SLC6A11: variants seen among roughly 807,000 people sequenced by gnomAD.
SLC6A11 encodes the protein solute carrier family 6 member 11, also known as sodium- and chloride-dependent GABA transporter 3.
A neutral mutation model predicts 74.8 loss-of-function variants in SLC6A11; 25 were observed. That is an observed-to-expected ratio of 0.33 (90% CI 0.24 to 0.47). The LOEUF (loss-of-function observed/expected upper bound fraction) is 0.47, where lower values mean the gene tolerates loss of function less well. Among genes scored for constraint, SLC6A11 ranks in the 20% least tolerant of loss-of-function variants. The pLI is 1.00. For missense variants in SLC6A11, 574 were observed against 837.0 expected (o/e 0.69, Z 3.88); for synonymous variants, 330 against 330.2 (o/e 1.00, Z 0.01).
At chr3:10,933,363 C>T (rs554265252) in intron 11 of SLC6A11, 110 bp downstream of exon 11, 8 of 737,046 alleles carry the variant, frequency 1.1e-5, no homozygotes, top group African/African-American at 8.7e-5. Flanking sequence ...TTGGTCTATA[C>T]TGGCCTCTTC....
At chr3:10,893,244 A>C (rs191020495) in intron 6 of SLC6A11, among the ~76,000 whole-genome samples, 4 of 152,324 alleles carry the variant, frequency 2.6e-5, no homozygotes, top group Admixed American at 2.6e-4. Flanking sequence ...GAGACAGAAT[A>C]TAAAATTAAT....
intron 6 of SLC6A11, among the ~76,000 whole-genome samples, chr3:10,886,624 T>G (rs1004917432): frequency 6.6e-6 from 1 of 152,136 alleles, no homozygotes; most frequent in Non-Finnish European, 1.5e-5. Flanking sequence ...CTGACCAATA[T>G]GATGAAGCCC....
At chr3:10,835,506 T>A (rs1175906288) in intron 4 of SLC6A11, among the ~76,000 whole-genome samples, 2 of 152,210 alleles carry the variant, frequency 1.3e-5, no homozygotes, top group African/African-American at 4.8e-5. Context: ...GCCTAAGTTT[T>A]GAGGCATTTC....
intron 7 of SLC6A11, among the ~76,000 whole-genome samples, chr3:10,913,138 C>G (rs1428992324): frequency 6.6e-6 from 1 of 150,526 alleles, no homozygotes; most frequent in Non-Finnish European, 1.5e-5. Flanking sequence ...CATATATCAT[C>G]CCATCTTTCC....
chr3:10,901,412 G>A (rs922998705), intron 6 of SLC6A11, among the ~76,000 whole-genome samples: 1 of 152,208 alleles, frequency 6.6e-6, no homozygotes, highest in Admixed American at 6.5e-5. Context: ...AACTCCCCCT[G>A]CACAGGATTG....
At chr3:10,919,705 C>T (rs959498070) in intron 8 of SLC6A11, among the ~76,000 whole-genome samples, 5 of 152,202 alleles carry the variant, frequency 3.3e-5, no homozygotes, top group South Asian at 4.1e-4. Context: ...CCAGAGGATA[C>T]GAGTATGATC....
chr3:10,842,076 T>C (rs915994764), intron 4 of SLC6A11, among the ~76,000 whole-genome samples: 2 of 152,198 alleles, frequency 1.3e-5, no homozygotes, highest in South Asian at 2.1e-4. Context: ...GGGCTCTTAA[T>C]CTGGGCAAAG....
intron 6 of SLC6A11, among the ~76,000 whole-genome samples, chr3:10,882,821 C>T (rs1173601126): frequency 6.6e-6 from 1 of 152,212 alleles, no homozygotes. Context: ...CTTGACCTCT[C>T]TGGGCTCCAG....
intron 5 of SLC6A11, among the ~76,000 whole-genome samples, chr3:10,856,435 C>T (rs529056506): frequency 6.6e-6 from 1 of 152,328 alleles, no homozygotes; most frequent in Non-Finnish European, 1.5e-5. Context: ...CCTGGGCCCT[C>T]CACTTTCATG....
chr3:10,883,612 A>G (rs1026994664), intron 6 of SLC6A11, among the ~76,000 whole-genome samples: 1 of 151,940 alleles, frequency 6.6e-6, no homozygotes, highest in Non-Finnish European at 1.5e-5. Flanking sequence ...TGCCTCCCCA[A>G]CCCACAAAAA....
chr3:10,844,299 A>C lies in SLC6A11; in HGVS notation c.709A>C (p.Thr237Pro). Residue 237 changes from threonine (T) to proline (P), a missense_variant, in exon 5 of 14, where the codon ACC becomes CCC. By Grantham distance (38) the Thr-to-Pro change is conservative. Transcript: ENST00000254488. ...GGCCTTGTGTCTCTTGGCAGCCTGG[A>C]CCATCTGTTACTTCTGTATCTGGAA... ...ELALCLLAAWTICYFCIWKGT... is the reference protein window; with the variant it reads ...ELALCLLAAWPICYFCIWKGT... 6.2e-7 allele frequency: 1 copy of C among 1,614,158 alleles called. No individual in the cohort carries two copies. The highest frequency in any genetic ancestry group is 8.5e-7 in the Non-Finnish European group (1 of 1,180,020).
At chr3:10,854,057 G>A (rs1385410579) in intron 5 of SLC6A11, among the ~76,000 whole-genome samples, 1 of 152,228 alleles carries the variant, frequency 6.6e-6, no homozygotes, top group Non-Finnish European at 1.5e-5. Flanking sequence ...CACTGACACT[G>A]ATTTTTAAAA....
intron 4 of SLC6A11, among the ~76,000 whole-genome samples, chr3:10,826,649 G>A (rs1694213761): frequency 6.6e-6 from 1 of 152,172 alleles, no homozygotes; most frequent in South Asian, 2.1e-4. Context: ...GGCTATGGAA[G>A]GCCCTCAGTT....
At chr3:10,879,628 C>A (rs1302540663) in intron 6 of SLC6A11, among the ~76,000 whole-genome samples, 4 of 152,110 alleles carry the variant, frequency 2.6e-5, no homozygotes, top group African/African-American at 9.7e-5. Flanking sequence ...AATATTTTTT[C>A]TTTTGAATTA....
At chr3:10,910,758 TCA>T (rs1695375230) in intron 6 of SLC6A11, among the ~76,000 whole-genome samples, 1 of 151,854 alleles carries the variant, frequency 6.6e-6, no homozygotes, top group Non-Finnish European at 1.5e-5. Context: ...TCTCTGTTCC[TCA>T]GTCTCCTCAG....
At chr3:10,854,217 G>T (rs9821889) in intron 5 of SLC6A11, among the ~76,000 whole-genome samples, 1 of 151,922 alleles carries the variant, frequency 6.6e-6, no homozygotes, top group East Asian at 1.9e-4. Flanking sequence ...GCGAAACCCC[G>T]TCTCTACTAA....
At chr3:10,861,949 G>A (rs1196732284) in intron 5 of SLC6A11, among the ~76,000 whole-genome samples, 2 of 152,330 alleles carry the variant, frequency 1.3e-5, no homozygotes, top group East Asian at 3.9e-4. Flanking sequence ...AGGAGAGTCT[G>A]CCTTTCAGAA....
Position 10,940,483 on chromosome 3 carries a change from A to C in SLC6A11, c.*2081A>C, listed in dbSNP as rs954084116. On this transcript the variant is annotated 3_prime_UTR_variant, in exon 14 of 14. Coordinates refer to ENST00000254488, the MANE Select transcript of SLC6A11 (RefSeq NM_014229.3). ...TTGTTTTTTGTAATTTCCTACTAGTATTTGGGTAACTTTGGGGGTGGGGAG... is the reference window on the plus strand; with the variant it reads ...TTGTTTTTTGTAATTTCCTACTAGTCTTTGGGTAACTTTGGGGGTGGGGAG... The C allele has an allele frequency of 7.6e-6, 1 of 131,414 alleles. No homozygotes were observed. Among genetic ancestry groups the C allele is most frequent in the African/African-American group, 2.9e-5 (1 of 34,198 alleles). The allele number at this position is 131,414 out of a possible 1,614,324, so 8.1% of individuals were successfully genotyped here.
At chr3:10,835,478 T>C (rs1259635377) in intron 4 of SLC6A11, among the ~76,000 whole-genome samples, 1 of 152,188 alleles carries the variant, frequency 6.6e-6, no homozygotes, top group African/African-American at 2.4e-5. Flanking sequence ...AGGACCTCTG[T>C]TCACTTCTCC....
Sources: allele counts gnomAD v4.1 joint callset (sites outside exome capture counted in the v4.1 genomes callset), GRCh38; gene constraint gnomAD v4.1.1; transcripts MANE v1.5; gene names NCBI Gene and HGNC (gene_info 2026-07-23, HGNC 2026-07-21).